GPHN: variants seen among roughly 807,000 people sequenced by gnomAD.
The protein encoded by GPHN is gephyrin.
A neutral mutation model predicts 95.5 loss-of-function variants in GPHN; 17 were observed. That is an observed-to-expected ratio of 0.18 (90% CI 0.12 to 0.27). GPHN has a LOEUF of 0.27. Ranked by LOEUF, GPHN falls within the 10% of genes least tolerant of loss-of-function variation. GPHN has a pLI of 1.00. For synonymous variants in GPHN, 320 were observed against 322.5 expected (o/e 0.99, Z 0.08); for missense variants, 660 against 978.1 (o/e 0.67, Z 4.34).
At chr14:66,779,224 T>G (rs1240487862) in intron 3 of GPHN, among the ~76,000 whole-genome samples, 2 of 152,210 alleles carry the variant, frequency 1.3e-5, no homozygotes, top group Non-Finnish European at 2.9e-5. Context: ...TTCAAGAAAT[T>G]TATTCCAACT....
intron 1 of GPHN, among the ~76,000 whole-genome samples, chr14:66,659,049 A>G (rs1037955044): frequency 1.3e-5 from 2 of 151,526 alleles, no homozygotes; most frequent in East Asian, 3.9e-4. Context: ...TGAGACTTTT[A>G]CTGTTTTCAA....
chr14:67,342,331 A>G, the GPHN span, among the ~76,000 whole-genome samples: 63 of 152,086 alleles, frequency 4.1e-4, 3 homozygotes, highest in East Asian at 0.01. Flanking sequence ...TTTTCTATGC[A>G]TAGATAACCT....
At chr14:66,939,310 C>G (rs147098737) in intron 8 of GPHN, among the ~76,000 whole-genome samples, 75 of 152,076 alleles carry the variant, frequency 4.9e-4, no homozygotes, top group African/African-American at 1.7e-3. Flanking sequence ...CCAGAATATA[C>G]AGAGAACTCC....
the GPHN span, among the ~76,000 whole-genome samples, chr14:67,209,352 G>C: frequency 6.6e-6 from 1 of 152,200 alleles, no homozygotes; most frequent in Non-Finnish European, 1.5e-5. Context: ...AGAGGGTGGA[G>C]AGATATTTTA....
chr14:67,526,363 A>G, the GPHN span, among the ~76,000 whole-genome samples: 25 of 152,342 alleles, frequency 1.6e-4, no homozygotes, highest in South Asian at 5.2e-3. Flanking sequence ...TAACATGGGT[A>G]GGTAAGATGC....
chr14:66,657,659 T>C (rs1273654090), intron 1 of GPHN, among the ~76,000 whole-genome samples: 1 of 152,160 alleles, frequency 6.6e-6, no homozygotes, highest in Non-Finnish European at 1.5e-5. Context: ...CTATGCTCTA[T>C]AAATGAAACA....
the GPHN span, among the ~76,000 whole-genome samples, chr14:67,236,961 G>A: frequency 6.6e-6 from 1 of 151,856 alleles, no homozygotes; most frequent in African/African-American, 2.4e-5. Context: ...CATGGTGGCA[G>A]GTGCCTGTAA....
chr14:67,332,678 A>C, the GPHN span: 10 of 1,101,712 alleles, frequency 9.1e-6, no homozygotes, highest in Non-Finnish European at 1.1e-5. Flanking sequence ...GACAGAAGGA[A>C]AGCTATGAAG....
At chr14:67,043,306 G>C (rs2074817373) in intron 10 of GPHN, among the ~76,000 whole-genome samples, 1 of 152,094 alleles carries the variant, frequency 6.6e-6, no homozygotes, top group Non-Finnish European at 1.5e-5. Flanking sequence ...CTTGTCTTGT[G>C]CTGGTTTTCA....
intron 1 of GPHN, among the ~76,000 whole-genome samples, chr14:66,561,015 T>G (rs2060210844): frequency 6.6e-6 from 1 of 152,198 alleles, no homozygotes; most frequent in Admixed American, 6.5e-5. Flanking sequence ...GGTTTTTGTC[T>G]CTGGTTCTGT....
chr14:66,731,915 C>T (rs12587170), intron 2 of GPHN, among the ~76,000 whole-genome samples: 47,258 of 152,018 alleles, frequency 0.31, 11,160 homozygotes, highest in African/African-American at 0.64. Context: ...CTAAAAGGGG[C>T]CAAGGTACAG....
the GPHN span, chr14:67,592,127 G>T: frequency 8.3e-4 from 147 of 178,010 alleles, 2 homozygotes; most frequent in Non-Finnish European, 6.1e-5. Context: ...CTATATATTT[G>T]ATTGTGTTCT....
intron 2 of GPHN, among the ~76,000 whole-genome samples, chr14:66,743,235 T>TC (rs199964699): frequency 3.9e-5 from 6 of 151,958 alleles, no homozygotes; most frequent in South Asian, 2.1e-4. Flanking sequence ...CTTTTAATCT[T>TC]CCCCCCCACT....
the GPHN span, chr14:67,338,671 G>A: frequency 3.1e-6 from 5 of 1,613,918 alleles, no homozygotes; most frequent in African/African-American, 6.7e-5. Flanking sequence ...AGATTAGCAG[G>A]CTCCAACACC....
chr14:67,596,720 C>A, the GPHN span, among the ~76,000 whole-genome samples: 2 of 152,196 alleles, frequency 1.3e-5, no homozygotes, highest in Non-Finnish European at 1.5e-5. Flanking sequence ...TTTGATCAGC[C>A]TGGCATGCCT....
chr14:67,059,012 A>G, intron 11 of GPHN: 1 of 532,028 alleles, frequency 1.9e-6, no homozygotes, highest in Non-Finnish European at 3.2e-6. Flanking sequence ...CATTAAAAAA[A>G]GGAAAAAAAA....
At chr14:66,551,684 A>G (rs1041607650) in intron 1 of GPHN, among the ~76,000 whole-genome samples, 4 of 152,212 alleles carry the variant, frequency 2.6e-5, no homozygotes, top group African/African-American at 4.8e-5. Context: ...CAGGCTGTAC[A>G]GGAAGCATAG....
the GPHN span, among the ~76,000 whole-genome samples, chr14:67,506,266 C>T: frequency 6.6e-6 from 1 of 152,098 alleles, no homozygotes; most frequent in Non-Finnish European, 1.5e-5. Context: ...GCTTGTAAGA[C>T]TTAAAGTGAT....
At chr14:67,365,024 A>G in the GPHN span, 1 of 1,567,580 alleles carries the variant, frequency 6.4e-7, no homozygotes, top group Non-Finnish European at 8.7e-7. Context: ...TGAGAAAAAT[A>G]TCTGTAATAT....
Sources: gnomAD v4.1 joint callset for allele counts (sites outside exome capture counted in the v4.1 genomes callset) on GRCh38, gnomAD v4.1.1 for gene constraint, MANE v1.5 for transcripts, NCBI Gene and HGNC (gene_info 2026-07-23, HGNC 2026-07-21) for gene names.